The following NINJ2 variants were observed in gnomAD, a reference collection of about 807,000 sequenced individuals.
The protein encoded by NINJ2 is ninjurin 2, also known as ninjurin-2.
Under a neutral mutation model 11.7 loss-of-function variants are expected in NINJ2, and 12 were observed. The observed-to-expected ratio is 1.02, with a 90% CI of 0.66 to 1.66. The LOEUF (loss-of-function observed/expected upper bound fraction) is 1.66. NINJ2 is among the 40% of genes most tolerant of loss of function. The pLI is 0.00. For synonymous variants in NINJ2, 93 were observed against 76.8 expected, an observed-to-expected ratio of 1.21 and a Z score of -1.10; for missense variants, 187 against 181.8, an observed-to-expected ratio of 1.03 and a Z score of -0.16.
chr12:572,873 T>TG (rs1947396927), intron 1 of NINJ2, among the ~76,000 whole-genome samples: 1 of 109,936 alleles, frequency 9.1e-6, no homozygotes, highest in Admixed American at 8.6e-5. Context: ...TTTTTTTTTT[T>TG]GAGATGGAGT....
At chr12:613,481 C>T (rs1592098025) in intron 1 of NINJ2, among the ~76,000 whole-genome samples, 1 of 152,120 alleles carries the variant, frequency 6.6e-6, no homozygotes, top group South Asian at 2.1e-4. Flanking sequence ...TAGTGGCAGG[C>T]ACCTGTAATC....
intron 1 of NINJ2, among the ~76,000 whole-genome samples, chr12:601,641 T>C (rs145016905): frequency 6.6e-6 from 1 of 152,074 alleles, no homozygotes; most frequent in Non-Finnish European, 1.5e-5. Flanking sequence ...AGGCAGGTGG[T>C]TCACCTCAGG....
At chr12:620,413 T>C (rs1430078554) in intron 1 of NINJ2, among the ~76,000 whole-genome samples, 1 of 152,232 alleles carries the variant, frequency 6.6e-6, no homozygotes, top group Non-Finnish European at 1.5e-5. Flanking sequence ...CAGCAAACAT[T>C]GCCTAGAGAA....
intron 1 of NINJ2, among the ~76,000 whole-genome samples, chr12:652,353 G>T (rs1937807519): frequency 6.6e-6 from 1 of 152,148 alleles, no homozygotes; most frequent in African/African-American, 2.4e-5. Context: ...GAGAAATAAA[G>T]ACTTTCTCAG....
At chr12:653,169 C>T (rs1447875331) in intron 1 of NINJ2, among the ~76,000 whole-genome samples, 5 of 151,272 alleles carry the variant, frequency 3.3e-5, no homozygotes, top group African/African-American at 9.7e-5. Context: ...TACAGGCACC[C>T]GCCACCATGC....
intron 1 of NINJ2, among the ~76,000 whole-genome samples, chr12:620,617 AGTTTGTTTGTTT>A (rs10660948): frequency 4.0e-5 from 6 of 151,164 alleles, no homozygotes; most frequent in East Asian, 1.9e-4. Flanking sequence ...GTGGTTTTGA[AGTTTGTTTGTTT>A]GTTTGTTTGT....
Position 605,018 on chromosome 12 carries a change from C to T in NINJ2, c.34-38840G>A, listed in dbSNP as rs142786122. ...GGATTTTCACGGAAATTTGACGTTG[C>T]CTCAGCACTCAGTGTGTGATCAGTG... On this transcript the variant is annotated intron_variant, in intron 1 of 3. Coordinates refer to ENST00000305108, the MANE Select transcript of NINJ2 (RefSeq NM_016533.6). Among the ~76,000 whole-genome samples the T allele has an allele frequency of 4.6e-5, 7 of 152,300 alleles. No individual in the cohort carries two copies. In the East Asian group the frequency reaches 1.4e-3, roughly 29 times the overall value.
Position 609,254 on chromosome 12 carries a change from C to G in NINJ2, c.34-43076G>C, listed in dbSNP as rs552477754. ...CGCACGCACGGCGCCACGCTAGGGGCTGTACGCACGCACGGCGCCACGCGC... is the reference window on the plus strand; with the variant it reads ...CGCACGCACGGCGCCACGCTAGGGGGTGTACGCACGCACGGCGCCACGCGC... On this transcript the variant is annotated intron_variant, in intron 1 of 3. Transcript: ENST00000305108. Among the ~76,000 whole-genome samples, 90 of 111,884 alleles carry G rather than the reference C, an allele frequency of 8.0e-4. 1 individual carries two copies. Among genetic ancestry groups the G allele is most frequent in the African/African-American group, 2.4e-3 (79 of 32,470 alleles). 73.4% of individuals were successfully genotyped at this position (111,884 alleles called of 152,430 possible).
intron 1 of NINJ2, among the ~76,000 whole-genome samples, chr12:615,796 A>G (rs1439259224): frequency 6.6e-6 from 1 of 152,214 alleles, no homozygotes; most frequent in Non-Finnish European, 1.5e-5. Flanking sequence ...ATGCATCCCA[A>G]GCACAGGAAA....
At chr12:599,199 T>G (rs1419245399) in intron 1 of NINJ2, among the ~76,000 whole-genome samples, 5 of 151,828 alleles carry the variant, frequency 3.3e-5, no homozygotes, top group South Asian at 4.2e-4. Flanking sequence ...TTGGCCAACA[T>G]GGAGAAACCT....
At chr12:641,901 A>AG (rs1948422377) in intron 1 of NINJ2, among the ~76,000 whole-genome samples, 1 of 151,460 alleles carries the variant, frequency 6.6e-6, no homozygotes, top group Non-Finnish European at 1.5e-5. Context: ...ACTGCCCTGG[A>AG]GCTAGGACAT....
rs71045085 is a variant in NINJ2, at chr12:610,729, CTTTTTTTTTT to C, written c.34-44561_34-44552del. ...ACAACCACAGCACTGGAAATCTATT[CTTTTTTTTTT>C]TTTTTTTTTTTGAGACGGAGTTTCG... On this transcript the variant is annotated intron_variant, in intron 1 of 3. Transcript: ENST00000305108. 2.6e-3 allele frequency: 544 copies of C among 208,250 alleles called. 7 individuals carry two copies. Among genetic ancestry groups the C allele is most frequent in the Non-Finnish European group, 1.7e-3 (248 of 147,378 alleles). The allele number at this position is 208,250 out of a possible 1,614,324, so 12.9% of individuals were successfully genotyped here.
chr12:661,096 AG>A, intron 1 of NINJ2, among the ~76,000 whole-genome samples: 1 of 152,338 alleles, frequency 6.6e-6, no homozygotes, highest in Middle Eastern at 3.4e-3. Flanking sequence ...TTTTGTTTTT[AG>A]AGATAGGGTC....
At chr12:613,335 C>T (rs955829059) in intron 1 of NINJ2, among the ~76,000 whole-genome samples, 4 of 152,300 alleles carry the variant, frequency 2.6e-5, no homozygotes, top group East Asian at 1.9e-4. Context: ...GGGCTGGGGG[C>T]GGTGGCTCAT....
At chr12:661,019 T>C (rs1218496691) in intron 1 of NINJ2, among the ~76,000 whole-genome samples, 1 of 152,222 alleles carries the variant, frequency 6.6e-6, no homozygotes, top group Non-Finnish European at 1.5e-5. Flanking sequence ...GATGTACCTT[T>C]ACCACCCATT....
At chr12:574,970 T>C (rs1415807011) in intron 1 of NINJ2, among the ~76,000 whole-genome samples, 2 of 152,200 alleles carry the variant, frequency 1.3e-5, no homozygotes, top group African/African-American at 2.4e-5. Flanking sequence ...TAAACAAATA[T>C]GAGATGAGAG....
Position 565,306 on chromosome 12 carries a change from C to T in NINJ2, c.358G>A (p.Val120Ile), listed in dbSNP as rs1947277118. 1 of 1,614,218 alleles carries T rather than the reference C, an allele frequency of 6.2e-7. No homozygotes were observed. Among genetic ancestry groups the T allele is most frequent in the Non-Finnish European group, 8.5e-7 (1 of 1,180,032 alleles). ...ILVFFTVVINVFITAFGAHKT... is the reference protein window; with the variant it reads ...ILVFFTVVINIFITAFGAHKT... ...TGTGCCCCGAAGGCTGTAATGAAAA[C>T]ATTGATGACCACAGTGAAGAAGACC... The change falls in exon 3 of 4, where the codon GTT becomes ATT. Residue 120 changes from valine to isoleucine, a missense_variant. Transcript: ENST00000305108.
intron 1 of NINJ2, among the ~76,000 whole-genome samples, chr12:569,837 C>G (rs1947352625): frequency 6.6e-6 from 1 of 152,248 alleles, no homozygotes; most frequent in Non-Finnish European, 1.5e-5. Context: ...TCATCCTTTC[C>G]TCGCTAAATG....
chr12:612,402 G>A (rs1250640822), intron 1 of NINJ2, among the ~76,000 whole-genome samples: 1 of 152,130 alleles, frequency 6.6e-6, no homozygotes, highest in African/African-American at 2.4e-5. Flanking sequence ...ATCCGGTCCA[G>A]GAATATCTGG....
Sources: gnomAD v4.1 joint callset for allele counts (sites outside exome capture counted in the v4.1 genomes callset) on GRCh38, gnomAD v4.1.1 for gene constraint, MANE v1.5 for transcripts, NCBI Gene and HGNC (gene_info 2026-07-23, HGNC 2026-07-21) for gene names.